KIF6: variants seen among roughly 807,000 people sequenced by gnomAD.
KIF6 encodes kinesin family member 6.
KIF6 carries 106 observed loss-of-function variants against 112.7 expected under a neutral mutation model. The observed-to-expected ratio is 0.94, with a 90% CI of 0.80 to 1.11. The LOEUF is 1.11. Ranked by LOEUF, KIF6 falls within the 50% of genes least tolerant of loss-of-function variation. KIF6 has a pLI of 0.00. For synonymous variants in KIF6, 339 were observed against 339.9 expected (o/e 1.00, Z 0.03); for missense variants, 929 against 964.0 (o/e 0.96, Z 0.48).
At chr6:39,460,715 T>C (rs1055980133) in intron 13 of KIF6, among the ~76,000 whole-genome samples, 3 of 152,118 alleles carry the variant, frequency 2.0e-5, no homozygotes, top group East Asian at 3.8e-4. Flanking sequence ...TAGAATTCTA[T>C]ATGCAGCTAA....
chr6:39,537,348 G>T (rs1423372127), intron 13 of KIF6, among the ~76,000 whole-genome samples: 1 of 152,146 alleles, frequency 6.6e-6, no homozygotes, highest in Non-Finnish European at 1.5e-5. Context: ...TCCTTAAGGT[G>T]ATAAGCAACT....
chr6:39,497,184 G>C (rs544053097), intron 13 of KIF6, among the ~76,000 whole-genome samples: 71 of 152,344 alleles, frequency 4.7e-4, no homozygotes, highest in African/African-American at 1.6e-3. Context: ...CTGCCAAAAT[G>C]TCAGCAACAG....
At chr6:39,673,986 A>C (rs1263183505) in intron 3 of KIF6, among the ~76,000 whole-genome samples, 1 of 152,164 alleles carries the variant, frequency 6.6e-6, no homozygotes, top group Non-Finnish European at 1.5e-5. Context: ...GATCAAATTG[A>C]TATGAGACTA....
chr6:39,671,538 A>G (rs1043304568), intron 3 of KIF6, among the ~76,000 whole-genome samples: 5 of 152,172 alleles, frequency 3.3e-5, no homozygotes, highest in Admixed American at 3.3e-4. Flanking sequence ...CCTGATGGCC[A>G]GCTGAGGCCT....
chr6:39,639,240 C>T (rs12209915), intron 4 of KIF6, among the ~76,000 whole-genome samples: 36,674 of 151,894 alleles, frequency 0.24, 4,905 homozygotes, highest in East Asian at 0.4. Flanking sequence ...ATTATACTAT[C>T]CTGTTTAGTG....
rs369380486 is a variant in KIF6 at position 39,663,146 on chromosome 6, G to A, written c.252-23389C>T. On this transcript the variant is annotated intron_variant, in intron 3 of 22. Coordinates refer to ENST00000287152, the MANE Select transcript of KIF6 (RefSeq NM_145027.6). ...TGGACTCAAGTGATCCACTGGCCTC[G>A]TCCTCCCAAAGTGTGCCTGGTGGAA... Among the ~76,000 whole-genome samples the A allele has an allele frequency of 1.1e-4, 16 of 152,184 alleles. No individual in the cohort carries two copies. In the East Asian group the frequency reaches 1.3e-3, roughly 13 times the overall value.
chr6:39,541,751 G>A (rs566835890), intron 12 of KIF6, among the ~76,000 whole-genome samples: 141 of 152,292 alleles, frequency 9.3e-4, no homozygotes, highest in African/African-American at 3.3e-3. Flanking sequence ...TATACATTGG[G>A]TGCTACAAAA....
chr6:39,384,855 ACCCACT>A (rs1397414541), intron 16 of KIF6, among the ~76,000 whole-genome samples: 7 of 152,264 alleles, frequency 4.6e-5, no homozygotes, highest in Non-Finnish European at 1.0e-4. Context: ...TACCCAGGAT[ACCCACT>A]CCACCAGTCC....
intron 13 of KIF6, among the ~76,000 whole-genome samples, chr6:39,456,338 C>T (rs2150415252): frequency 7.9e-6 from 1 of 126,224 alleles, no homozygotes; most frequent in Admixed American, 8.5e-5. Flanking sequence ...TTTGTCACCG[C>T]CAGGCCTGCC....
At chr6:39,341,821 AT>A in intron 22 of KIF6, among the ~76,000 whole-genome samples, 1 of 152,174 alleles carries the variant, frequency 6.6e-6, no homozygotes, top group East Asian at 1.9e-4. Context: ...TGCATCTCAT[AT>A]TTGGTCTACT....
chr6:39,634,949 T>G lies in KIF6; in HGVS notation c.409A>C (p.Lys137Gln). ...TAGGAAATGTGTGTTGTATATATTT[T>G]GCTGCTGTCCTGATTGGAAAAGGGA... ...IFEQLQKDSS[K>Q]IYTTHISYLE... The change falls in exon 5 of 23, where the codon AAA becomes CAA. Residue 137 changes from lysine to glutamine, a missense_variant. Around this residue, in one of 2 missense-constraint regions of KIF6, gnomAD observed 688 missense variants for 662.7 expected, o/e 1.04. Coordinates refer to ENST00000287152, the MANE Select transcript of KIF6 (RefSeq NM_145027.6). 1 of 1,594,352 alleles carries G rather than the reference T, an allele frequency of 6.3e-7. No individual in the cohort carries two copies. Among genetic ancestry groups the G allele is most frequent in the Non-Finnish European group, 8.6e-7 (1 of 1,162,366 alleles).
intron 3 of KIF6, among the ~76,000 whole-genome samples, chr6:39,669,248 T>C (rs990172079): frequency 6.6e-5 from 10 of 152,326 alleles, no homozygotes; most frequent in Non-Finnish European, 1.3e-4. Flanking sequence ...AACAAAGCTC[T>C]ACTCCACAAG....
At chr6:39,520,402 A>G (rs890393685) in intron 13 of KIF6, among the ~76,000 whole-genome samples, 1 of 152,218 alleles carries the variant, frequency 6.6e-6, no homozygotes, top group Non-Finnish European at 1.5e-5. Flanking sequence ...TAGCCTGTCT[A>G]TCAGTGTCAG....
chr6:39,593,755 C>G (rs1329301246), intron 7 of KIF6, among the ~76,000 whole-genome samples: 1 of 152,186 alleles, frequency 6.6e-6, no homozygotes, highest in African/African-American at 2.4e-5. Flanking sequence ...CTGCCCCATC[C>G]TTGATTGGCT....
intron 10 of KIF6, among the ~76,000 whole-genome samples, chr6:39,569,556 A>G (rs1780531565): frequency 6.6e-6 from 1 of 152,238 alleles, no homozygotes; most frequent in Admixed American, 6.5e-5. Context: ...CTTTTGTTTG[A>G]TTAGCCAATA....
chr6:39,450,153 C>G (rs920127036), intron 13 of KIF6, among the ~76,000 whole-genome samples: 20 of 152,222 alleles, frequency 1.3e-4, no homozygotes, highest in Non-Finnish European at 2.4e-4. Flanking sequence ...GTTTCCATTT[C>G]TGAAAGTGAC....
At chr6:39,615,830 A>G (rs1160067847) in intron 5 of KIF6, among the ~76,000 whole-genome samples, 1 of 152,178 alleles carries the variant, frequency 6.6e-6, no homozygotes, top group Non-Finnish European at 1.5e-5. Context: ...AATTTTAAAA[A>G]GACTGTCTTT....
chr6:39,384,660 T>G (rs1767258300), intron 16 of KIF6, among the ~76,000 whole-genome samples: 1 of 152,226 alleles, frequency 6.6e-6, no homozygotes, highest in Non-Finnish European at 1.5e-5. Context: ...GTCATGACTT[T>G]AGAGGCTCTC....
intron 10 of KIF6, among the ~76,000 whole-genome samples, chr6:39,564,383 T>G (rs780438632): frequency 1.3e-5 from 2 of 152,166 alleles, no homozygotes; most frequent in African/African-American, 4.8e-5. Context: ...AAGAGTACTT[T>G]GAGGAATAGA....
Sources: allele counts gnomAD v4.1 joint callset (sites outside exome capture counted in the v4.1 genomes callset), GRCh38; gene constraint gnomAD v4.1.1; regional missense constraint gnomAD v4.1.1; transcripts MANE v1.5; gene names NCBI Gene and HGNC (gene_info 2026-07-23, HGNC 2026-07-21).